NFIB: variants seen among roughly 807,000 people sequenced by gnomAD.
NFIB encodes nuclear factor 1 B-type.
A neutral mutation model predicts 61.5 loss-of-function variants in NFIB; 11 were observed. The observed-to-expected ratio is 0.18, with a 90% CI of 0.11 to 0.30. The LOEUF (loss-of-function observed/expected upper bound fraction) is 0.30, where lower values mean the gene tolerates loss of function less well. Among genes scored for constraint, NFIB ranks in the 10% least tolerant of loss-of-function variants. The pLI, the probability that NFIB is intolerant of heterozygous loss-of-function variation, is 1.00. For missense variants in NFIB, 471 were observed against 608.9 expected (o/e 0.77, Z 2.38); for synonymous variants, 260 against 216.5 (o/e 1.20, Z -1.76).
At chr9:14,432,525 A>C in the NFIB span, among the ~76,000 whole-genome samples, 5 of 152,246 alleles carry the variant, frequency 3.3e-5, no homozygotes, top group African/African-American at 1.2e-4. Flanking sequence ...TCTTAATACA[A>C]ATAACCATAG....
chr9:14,441,839 C>T, the NFIB span, among the ~76,000 whole-genome samples: 2 of 152,196 alleles, frequency 1.3e-5, no homozygotes, highest in Non-Finnish European at 2.9e-5. Context: ...GCATTTATTA[C>T]AGACCCTTTG....
intron 6 of NFIB, among the ~76,000 whole-genome samples, chr9:14,129,861 A>G (rs998777128): frequency 4.9e-4 from 75 of 152,218 alleles, no homozygotes; most frequent in Admixed American, 3.9e-4. Flanking sequence ...TACATAAAAT[A>G]AAGCAGCTGA....
chr9:14,234,299 G>A (rs1281238991), intron 2 of NFIB, among the ~76,000 whole-genome samples: 2 of 151,582 alleles, frequency 1.3e-5, no homozygotes, highest in Admixed American at 6.6e-5. Flanking sequence ...TAAGAGAGAA[G>A]CTACCTCATG....
intron 5 of NFIB, among the ~76,000 whole-genome samples, chr9:14,147,200 A>G (rs1460333209): frequency 6.6e-6 from 1 of 151,986 alleles, no homozygotes; most frequent in Non-Finnish European, 1.5e-5. Flanking sequence ...CTTGTCATTG[A>G]CAATGCAATC....
intron 2 of NFIB, among the ~76,000 whole-genome samples, chr9:14,246,951 T>C (rs989738660): frequency 1.3e-5 from 2 of 152,150 alleles, no homozygotes; most frequent in African/African-American, 4.8e-5. Flanking sequence ...AAAGAAGAGA[T>C]GCCAATGTGC....
chr9:14,285,381 C>G (rs2058644073), intron 2 of NFIB, among the ~76,000 whole-genome samples: 1 of 152,220 alleles, frequency 6.6e-6, no homozygotes, highest in African/African-American at 2.4e-5. Context: ...CTCGGCCTCC[C>G]AAAGTGCTGG....
At chr9:14,131,641 G>T (rs1226955933) in intron 6 of NFIB, among the ~76,000 whole-genome samples, 1 of 152,226 alleles carries the variant, frequency 6.6e-6, no homozygotes, top group African/African-American at 2.4e-5. Context: ...ATGCTGCAGG[G>T]AAAGTGTGCA....
intron 1 of NFIB, among the ~76,000 whole-genome samples, chr9:14,309,831 A>G (rs1338409836): frequency 1.3e-5 from 2 of 152,222 alleles, no homozygotes; most frequent in Non-Finnish European, 2.9e-5. Flanking sequence ...TGATATGACT[A>G]AAAAACACAC....
the NFIB span, among the ~76,000 whole-genome samples, chr9:14,420,445 CAAAAAAAA>C: frequency 2.3e-3 from 96 of 42,432 alleles, 2 homozygotes; most frequent in Middle Eastern, 0.025. Context: ...GACTCCGTCT[CAAAAAAAA>C]AAAAAAAAAA....
At chr9:14,394,595 T>C (rs1284088052) in intron 1 of NFIB, among the ~76,000 whole-genome samples, 1 of 152,162 alleles carries the variant, frequency 6.6e-6, no homozygotes, top group Non-Finnish European at 1.5e-5. Flanking sequence ...GATTCAATTA[T>C]CTCCACCTGG....
Position 14,311,184 on chromosome 9 carries a change from T to C in NFIB, c.30+2298A>G, listed in dbSNP as rs76431847. 6.4e-3 allele frequency among the ~76,000 whole-genome samples: 980 copies of C among 152,250 alleles called. 9 individuals carry two copies. The highest frequency in any genetic ancestry group is 0.023 in the African/African-American group (938 of 41,534). On this transcript the variant is annotated intron_variant, in intron 1 of 10. Transcript: ENST00000380953. ...CTATTTTGCTAAACATAACATTTAATGGTAGGTCCTTTTAAATTAAGATTT... is the reference window on the plus strand; with the variant it reads ...CTATTTTGCTAAACATAACATTTAACGGTAGGTCCTTTTAAATTAAGATTT...
intron 2 of NFIB, among the ~76,000 whole-genome samples, chr9:14,264,530 T>G (rs2057038317): frequency 6.6e-6 from 1 of 152,210 alleles, no homozygotes; most frequent in African/African-American, 2.4e-5. Context: ...GTGGTTTCTT[T>G]AGGAAAGTAA....
the NFIB span, among the ~76,000 whole-genome samples, chr9:14,482,059 G>T: frequency 6.7e-6 from 1 of 148,612 alleles, no homozygotes; most frequent in African/African-American, 2.5e-5. Context: ...ATACTGAGAC[G>T]ATGCCCCACC....
the NFIB span, among the ~76,000 whole-genome samples, chr9:14,407,335 T>C: frequency 6.6e-6 from 1 of 152,222 alleles, no homozygotes; most frequent in Non-Finnish European, 1.5e-5. Context: ...ATTGTCTCAA[T>C]GCAAATCAGA....
intron 1 of NFIB, among the ~76,000 whole-genome samples, chr9:14,375,208 C>G (rs2061403868): frequency 1.3e-5 from 2 of 152,276 alleles, no homozygotes; most frequent in Middle Eastern, 6.8e-3. Flanking sequence ...CATCAGAGCC[C>G]TAGGCTCTTT....
rs376735164 is a variant in NFIB at position 14,287,088 on chromosome 9, A to G, written c.562+19901T>C. Among the ~76,000 whole-genome samples, 10 of 152,258 alleles carry G rather than the reference A, an allele frequency of 6.6e-5. No individual in the cohort carries two copies. The East Asian group carries it at 1.9e-3, about 30-fold the overall frequency. ...AATTTCACAAACTAGGTTCAAATCT[A>G]TCTTTGGGTATATGATTTGTAACCT... On this transcript the variant is annotated intron_variant, in intron 2 of 10. Transcript: ENST00000380953.
chr9:14,132,365 C>G (rs1020789197), intron 6 of NFIB, among the ~76,000 whole-genome samples: 1 of 152,128 alleles, frequency 6.6e-6, no homozygotes, highest in Non-Finnish European at 1.5e-5. Context: ...CCTATAGAGA[C>G]AAGTCACCAT....
intron 1 of NFIB, among the ~76,000 whole-genome samples, chr9:14,353,420 T>A (rs963008994): frequency 6.6e-6 from 1 of 152,102 alleles, no homozygotes; most frequent in African/African-American, 2.4e-5. Context: ...TGCTAGGGTG[T>A]CCTTGGCAGA....
At chr9:14,344,108 AAG>A (rs149708104) in intron 1 of NFIB, among the ~76,000 whole-genome samples, 11,202 of 140,664 alleles carry the variant, frequency 0.08, 1,357 homozygotes, top group African/African-American at 0.27. Flanking sequence ...GAGAGAGAGA[AAG>A]AGAGAGAGAG....
Sources: allele counts gnomAD v4.1 joint callset (sites outside exome capture counted in the v4.1 genomes callset), GRCh38; gene constraint gnomAD v4.1.1; transcripts MANE v1.5; gene names NCBI Gene and HGNC (gene_info 2026-07-23, HGNC 2026-07-21).